The following CELF2 variants were observed in gnomAD, a reference collection of about 807,000 sequenced individuals.
CELF2 encodes the protein CUG triplet repeat RNA-binding protein 2.
A neutral mutation model predicts 62.6 loss-of-function variants in CELF2; 8 were observed. That is an observed-to-expected ratio of 0.13 (90% CI 0.07 to 0.23). CELF2 has a LOEUF of 0.23. CELF2 is among the 10% of genes least tolerant of loss of function. The pLI is 1.00. For missense variants in CELF2, 333 were observed against 671.0 expected, an observed-to-expected ratio of 0.50 and a Z score of 5.56; for synonymous variants, 258 against 250.0, an observed-to-expected ratio of 1.03 and a Z score of -0.30.
intron 1 of CELF2, among the ~76,000 whole-genome samples, chr10:11,132,220 A>G (rs2059736830): frequency 6.6e-6 from 1 of 152,248 alleles, no homozygotes; most frequent in African/African-American, 2.4e-5. Context: ...TATAAAACAA[A>G]GATCATTAGT....
intron 1 of CELF2, among the ~76,000 whole-genome samples, chr10:11,106,057 A>G (rs940648808): frequency 2.0e-5 from 3 of 152,232 alleles, no homozygotes; most frequent in Non-Finnish European, 4.4e-5. Flanking sequence ...AGAAATGATG[A>G]AAAGTTTTTA....
At chr10:11,261,770 G>T (rs903472945) in intron 5 of CELF2, among the ~76,000 whole-genome samples, 3 of 152,254 alleles carry the variant, frequency 2.0e-5, no homozygotes, top group African/African-American at 4.8e-5. Context: ...CTCCAGGCCT[G>T]CTGTAGAAGC....
chr10:10,555,570 C>T, the CELF2 span, among the ~76,000 whole-genome samples: 1 of 152,204 alleles, frequency 6.6e-6, no homozygotes, highest in Non-Finnish European at 1.5e-5. Context: ...CTGTTATAAA[C>T]ATAACCTATA....
At chr10:10,644,262 G>T in the CELF2 span, among the ~76,000 whole-genome samples, 2 of 152,122 alleles carry the variant, frequency 1.3e-5, no homozygotes, top group Non-Finnish European at 2.9e-5. Flanking sequence ...TCTTGATAGG[G>T]GTCCTTGTCA....
the CELF2 span, among the ~76,000 whole-genome samples, chr10:10,463,083 T>C: frequency 6.6e-6 from 1 of 152,238 alleles, no homozygotes; most frequent in South Asian, 2.1e-4. Flanking sequence ...GTTCAGATAA[T>C]GAAACAGACT....
At chr10:10,883,724 G>T (rs930717385) in intron 1 of CELF2, among the ~76,000 whole-genome samples, 5 of 152,096 alleles carry the variant, frequency 3.3e-5, no homozygotes, top group African/African-American at 1.2e-4. Flanking sequence ...TGGAAAGTTG[G>T]GGAGAAAGAT....
the CELF2 span, among the ~76,000 whole-genome samples, chr10:10,710,902 C>T: frequency 6.6e-6 from 1 of 152,230 alleles, no homozygotes; most frequent in Admixed American, 6.5e-5. Flanking sequence ...AAACTAAGTA[C>T]TCTCAACCCA....
chr10:10,938,007 C>T lies in CELF2; in HGVS notation c.89+18008C>T, dbSNP rs1016894986. ...GAGAAGCAAAATTCTTCTCTACTTTCGACTCTATTCCCATTCAGTCTATCC... is the reference window on the plus strand; with the variant it reads ...GAGAAGCAAAATTCTTCTCTACTTTTGACTCTATTCCCATTCAGTCTATCC... On this transcript the variant is annotated intron_variant, in intron 2 of 13. Coordinates refer to the CELF2 transcript ENST00000636488. The surrounding 1 kb of genome is among the most constrained non-coding windows in gnomAD (Gnocchi z 4.2). Among the ~76,000 whole-genome samples the T allele has an allele frequency of 1.2e-4, 19 of 152,278 alleles. No individual in the cohort carries two copies. In the East Asian group the frequency reaches 1.5e-3, roughly 12 times the overall value.
intron 9 of CELF2, 93 bp downstream of exon 9, chr10:11,288,645 T>A: frequency 7.1e-7 from 1 of 1,409,552 alleles, no homozygotes; most frequent in South Asian, 1.3e-5. Flanking sequence ...AGGCTAGACG[T>A]GTCCAGGATG....
rs1423473887 is a variant in CELF2 at position 11,288,560 on chromosome 10, T to TG, written c.976+14dup. The TG allele has an allele frequency of 6.2e-7, 1 of 1,613,052 alleles. No homozygotes were observed. Among genetic ancestry groups the TG allele is most frequent in the African/African-American group, 1.3e-5 (1 of 74,960 alleles). ...GAGCCCTCACGAGTCCCGGTGAGTGTGGGGGGTGCTCTTCCCTTGCAGGTG... is the reference window on the plus strand; with the variant it reads ...GAGCCCTCACGAGTCCCGGTGAGTGTGGGGGGGTGCTCTTCCCTTGCAGGTG... On this transcript the variant is annotated intron_variant, in intron 9 of 12. Transcript: ENST00000633077.
chr10:11,119,467 A>G (rs571494130), intron 1 of CELF2, among the ~76,000 whole-genome samples: 10 of 152,328 alleles, frequency 6.6e-5, no homozygotes, highest in African/African-American at 1.9e-4. Context: ...AATGTCTTAT[A>G]GCAATCAGAT....
chr10:10,545,938 A>T, the CELF2 span, among the ~76,000 whole-genome samples: 3 of 152,302 alleles, frequency 2.0e-5, no homozygotes, highest in East Asian at 5.8e-4. Flanking sequence ...ACACGTGGGG[A>T]TAGCTCCTCC....
chr10:10,694,009 C>T, the CELF2 span, among the ~76,000 whole-genome samples: 1 of 150,618 alleles, frequency 6.6e-6, no homozygotes, highest in African/African-American at 2.4e-5. Flanking sequence ...GTCTCTATTT[C>T]CTTCAGTTCT....
At position 10,997,280 on chromosome 10, in the gene CELF2, C is replaced by G. The variant is rs763122464; in HGVS notation, c.89+77281C>G. The stretch of plus-strand genomic sequence containing the variant: ...TTGTGCCACTGCACTCTAGCCTGAG[C>G]AACAGAGCAAGACACCATCTCTGAA... On this transcript the variant is annotated intron_variant, in intron 2 of 13. Transcript: ENST00000636488. This position sits in a 1 kb window ranked among gnomAD's most constrained non-coding sequence, Gnocchi z 5.3. Among the ~76,000 whole-genome samples, 2 of 152,130 alleles carry G rather than the reference C, an allele frequency of 1.3e-5. No homozygotes were observed. Among genetic ancestry groups the G allele is most frequent in the South Asian group, 2.1e-4 (1 of 4,822 alleles).
intron 1 of CELF2, among the ~76,000 whole-genome samples, chr10:10,909,262 C>T (rs2063603311): frequency 6.6e-6 from 1 of 152,214 alleles, no homozygotes; most frequent in East Asian, 1.9e-4. Flanking sequence ...CTGTTCCTCA[C>T]TTCAGGGTAT....
At chr10:10,608,733 G>A in the CELF2 span, among the ~76,000 whole-genome samples, 3 of 152,092 alleles carry the variant, frequency 2.0e-5, no homozygotes, top group Non-Finnish European at 4.4e-5. Flanking sequence ...AGACCAAATA[G>A]ATGATGCTAT....
At chr10:10,479,162 A>G in the CELF2 span, among the ~76,000 whole-genome samples, 1 of 152,070 alleles carries the variant, frequency 6.6e-6, no homozygotes, top group African/African-American at 2.4e-5. Context: ...TGGTTCATCT[A>G]AACTAATTTT....
At chr10:11,256,057 G>A (rs191314273) in intron 4 of CELF2, among the ~76,000 whole-genome samples, 182 of 152,334 alleles carry the variant, frequency 1.2e-3, no homozygotes, top group Admixed American at 2.4e-3. Flanking sequence ...ACAGACAGAA[G>A]CTCCCTTAGG....
chr10:11,063,253 T>A (rs1233496530), intron 1 of CELF2, among the ~76,000 whole-genome samples: 8 of 152,192 alleles, frequency 5.3e-5, no homozygotes, highest in African/African-American at 1.7e-4. Context: ...TGTCAGTATT[T>A]AGGAACATGG....
Sources: allele counts gnomAD v4.1 joint callset (sites outside exome capture counted in the v4.1 genomes callset), GRCh38; gene constraint gnomAD v4.1.1; non-coding constraint Gnocchi (gnomAD v3.1); transcripts MANE v1.5; gene names NCBI Gene and HGNC (gene_info 2026-07-23, HGNC 2026-07-21).